The following GTPBP6 variants were observed in gnomAD, a reference collection of about 807,000 sequenced individuals.
GTPBP6 encodes the protein GTP binding protein 6, also known as putative GTP-binding protein 6.
In GTPBP6, 33 loss-of-function variants were observed where a neutral mutation model predicts 28.9. That is an observed-to-expected ratio of 1.14 (90% CI 0.87 to 1.53). The LOEUF (loss-of-function observed/expected upper bound fraction) is 1.53, where lower values mean the gene tolerates loss of function less well. Among genes scored for constraint, GTPBP6 ranks in the 40% most tolerant of loss-of-function variants. The pLI is 0.00. For synonymous variants in GTPBP6, 231 were observed against 192.7 expected (o/e 1.20, Z -1.65); for missense variants, 507 against 408.3 (o/e 1.24, Z -2.08).
chrX:304,873 G>A (rs1325104295), exon 10 of GTPBP6: 166 of 1,434,028 alleles, frequency 1.2e-4, no homozygotes, highest in Non-Finnish European at 1.4e-4. Flanking sequence ...GTGGACGCTC[G>A]GGCGGCCCGC....
exon 6 of GTPBP6, chrX:312,800 G>C (rs1477975733): frequency 5.0e-6 from 8 of 1,612,374 alleles, no homozygotes; most frequent in East Asian, 2.2e-5. Flanking sequence ...AGATCACGGG[G>C]AACTCCCGCC....
intron 7 of GTPBP6, among the ~76,000 whole-genome samples, chrX:310,639 G>A (rs1286650749): frequency 1.3e-5 from 2 of 150,056 alleles, no homozygotes; most frequent in Middle Eastern, 3.4e-3. Context: ...AGACACAGAG[G>A]AGAAGGCCAC....
chrX:318,466 C>T, exon 1 of GTPBP6: 1 of 398,486 alleles, frequency 2.5e-6, no homozygotes, highest in East Asian at 3.6e-5. Flanking sequence ...TTCCCCGGGC[C>T]CCACTTGACG....
intron 9 of GTPBP6, among the ~76,000 whole-genome samples, chrX:305,720 G>A (rs1333327051): frequency 2.0e-5 from 3 of 149,276 alleles, no homozygotes; most frequent in Admixed American, 2.0e-4. Flanking sequence ...GGCCTCCTGG[G>A]TTCCAGCAAT....
intron 7 of GTPBP6, among the ~76,000 whole-genome samples, 165 bp downstream of exon 7, chrX:311,254 G>A (rs1342524201): frequency 1.4e-5 from 2 of 144,450 alleles, no homozygotes; most frequent in African/African-American, 5.2e-5. Context: ...CGTGCCCAGT[G>A]GGTGTCCGAG....
intron 6 of GTPBP6, chrX:311,864 T>A: frequency 1.7e-6 from 1 of 601,790 alleles, no homozygotes; most frequent in Admixed American, 2.9e-5. Context: ...GAGATGGTGG[T>A]GTGGACGGGT....
rs1484948970 is a variant in GTPBP6, at chrX:311,588, G to A, written c.956C>T (p.Ala319Val). ...AAACAGCTGGTCCCGTGGCTGGATG[G>A]CGGCATCGCCCGTCAGTGCCTTGAT... The change falls in exon 7 of 10, where the codon GCC becomes GTC. Residue 319 changes from alanine (A) to valine (V), a missense_variant. By Grantham distance (64) the Ala-to-Val change is moderately conservative. Transcript: ENST00000326153. 1.9e-6 allele frequency: 3 copies of A among 1,612,300 alleles called. No individual in the cohort carries two copies. The South Asian group carries it at 3.3e-5, about 18-fold the overall frequency.
chrX:305,014 T>G, exon 10 of GTPBP6: 3 of 1,594,598 alleles, frequency 1.9e-6, no homozygotes, highest in Non-Finnish European at 2.6e-6. Flanking sequence ...AACACAGCGG[T>G]AACGCCTCAG....
chrX:315,308 AAG>A lies in GTPBP6; in HGVS notation c.488-11_488-10del, dbSNP rs1170743705. 5 of 398,398 alleles carry A rather than the reference AAG, an allele frequency of 1.3e-5. No homozygotes were observed. The highest frequency in any genetic ancestry group is 4.1e-5 in the African/African-American group (2 of 48,620). The allele number at this position is 398,398 out of a possible 1,614,324, so 24.7% of individuals were successfully genotyped here. On this transcript the variant is annotated splice_polypyrimidine_tract_variant and intron_variant, in intron 2 of 9. Transcript: ENST00000326153. ...AGACCCTCGGATCTTTTCTAACAGA[AAG>A]AGGGGGTCCCGTCAGAGGCTGGCCG...
chrX:317,867 AG>A (rs1245001424), intron 1 of GTPBP6, among the ~76,000 whole-genome samples: 1 of 135,676 alleles, frequency 7.4e-6, no homozygotes, highest in Non-Finnish European at 1.6e-5. Flanking sequence ...CTTCCCCATA[AG>A]CCCCGCCCTT....
intron 6 of GTPBP6, 62 bp downstream of exon 6, chrX:312,704 G>A (rs766668633): frequency 1.0e-4 from 151 of 1,507,674 alleles, no homozygotes; most frequent in Middle Eastern, 3.9e-4. Flanking sequence ...GCCCTCCCCC[G>A]GGCGAGTCCT....
At chrX:317,899 C>T (rs1436598657) in intron 1 of GTPBP6, among the ~76,000 whole-genome samples, 22 of 149,268 alleles carry the variant, frequency 1.5e-4, no homozygotes, top group Admixed American at 9.3e-4. Flanking sequence ...GCTCCTCCCC[C>T]GAACCCCACC....
intron 8 of GTPBP6, 32 bp downstream of exon 8, chrX:307,700 G>C (rs2070201188): frequency 1.4e-6 from 2 of 1,460,286 alleles, no homozygotes; most frequent in Admixed American, 2.7e-5. Context: ...GCAGGGGAAG[G>C]AGACGCTTGC....
At chrX:313,589 A>G (rs1322218020) in intron 5 of GTPBP6, among the ~76,000 whole-genome samples, 1 of 152,212 alleles carries the variant, frequency 6.6e-6, no homozygotes, top group Non-Finnish European at 1.5e-5. Flanking sequence ...GGTGTTTGTC[A>G]TAACTGAAGT....
chrX:311,181 C>T (rs1414955323), intron 7 of GTPBP6, among the ~76,000 whole-genome samples: 3 of 66,328 alleles, frequency 4.5e-5, no homozygotes, highest in African/African-American at 6.8e-5. Flanking sequence ...GTTCCGGCCC[C>T]GAGTTGGGTG....
intron 9 of GTPBP6, among the ~76,000 whole-genome samples, chrX:306,523 A>G (rs2070168936): frequency 1.4e-5 from 2 of 142,786 alleles, no homozygotes; most frequent in East Asian, 2.0e-4. Context: ...TCAGAAATGT[A>G]CATTTTGTCA....
exon 4 of GTPBP6, chrX:315,015 T>G (rs1323505650): frequency 5.0e-6 from 2 of 398,544 alleles, no homozygotes; most frequent in East Asian, 7.1e-5. Flanking sequence ...CGGCTTCCAG[T>G]TCTTTCTGCA....
At chrX:304,962 A>G (rs1280751432) in exon 10 of GTPBP6, 8 of 1,510,458 alleles carry the variant, frequency 5.3e-6, no homozygotes, top group Non-Finnish European at 5.3e-6. Context: ...GTGCAGAACC[A>G]GACAAGGAGG....
chrX:313,072 C>A lies in GTPBP6; in HGVS notation c.758-148G>T, dbSNP rs2070348100. Reference sequence around the variant, plus strand: ...CTGCTTTCCCCAGCAGCGGCCCCGACACGTCCTGTTCCATGAGAAAGGGCT... The same window carrying A: ...CTGCTTTCCCCAGCAGCGGCCCCGAAACGTCCTGTTCCATGAGAAAGGGCT... On this transcript the variant is annotated intron_variant, in intron 5 of 9. Coordinates refer to ENST00000326153, the Ensembl canonical transcript of GTPBP6. The A allele has an allele frequency of 1.5e-5, 10 of 654,268 alleles. 1 individual carries two copies. In the South Asian group the frequency reaches 1.9e-4, roughly 12 times the overall value. 40.5% of individuals were successfully genotyped at this position (654,268 alleles called of 1,614,324 possible). A position where few individuals can be genotyped will look rare whatever the true frequency, so the allele number is the denominator to read the frequency against.
Sources: gnomAD v4.1 joint callset for allele counts (sites outside exome capture counted in the v4.1 genomes callset) on GRCh38, gnomAD v4.1.1 for gene constraint, MANE v1.5 for transcripts, NCBI Gene and HGNC (gene_info 2026-07-23, HGNC 2026-07-21) for gene names.